Variants in PRKCE observed in about 807,000 individuals in gnomAD.
PRKCE encodes the protein protein kinase C epsilon.
A neutral mutation model predicts 85.4 loss-of-function variants in PRKCE; 16 were observed. That is an observed-to-expected ratio of 0.19 (90% confidence interval 0.13 to 0.28). The LOEUF is 0.28. PRKCE is among the 10% of genes least tolerant of loss of function. The probability of loss-of-function intolerance (pLI) is 1.00; values close to 1 mark genes in which losing one functional copy is unlikely to be tolerated. For missense variants in PRKCE, 573 were observed against 975.2 expected (o/e 0.59, Z 5.49); for synonymous variants, 388 against 371.5 (o/e 1.04, Z -0.51).
chr2:45,680,554 C>G (rs192572668), intron 1 of PRKCE, among the ~76,000 whole-genome samples: 1 of 152,210 alleles, frequency 6.6e-6, no homozygotes, highest in Middle Eastern at 3.4e-3. Context: ...GTGAACCAAA[C>G]GGGGAAAGTA....
chr2:45,728,709 A>C (rs976754027), intron 1 of PRKCE, among the ~76,000 whole-genome samples: 2 of 152,136 alleles, frequency 1.3e-5, no homozygotes, highest in South Asian at 2.1e-4. Flanking sequence ...TCACCAGTTC[A>C]TGGTTTGTTT....
intron 2 of PRKCE, among the ~76,000 whole-genome samples, chr2:45,944,655 ATTTTTTTTTTT>A (rs71394861): frequency 1.1e-4 from 8 of 75,624 alleles, no homozygotes; most frequent in African/African-American, 2.4e-4. Context: ...TACCCGGCTA[ATTTTTTTTTTT>A]TTTTTTTTTT....
intron 13 of PRKCE, among the ~76,000 whole-genome samples, chr2:46,157,066 A>G (rs1677283157): frequency 6.6e-6 from 1 of 152,220 alleles, no homozygotes. Context: ...TGCAACAGGC[A>G]TATCTTCATT....
chr2:45,997,286 C>G (rs918281364), intron 6 of PRKCE, among the ~76,000 whole-genome samples: 2 of 151,924 alleles, frequency 1.3e-5, no homozygotes, highest in Non-Finnish European at 2.9e-5. Flanking sequence ...TGGTTTTTCT[C>G]TACTGATTTT....
chr2:45,667,437 C>T (rs982043821), intron 1 of PRKCE, among the ~76,000 whole-genome samples: 4 of 152,138 alleles, frequency 2.6e-5, no homozygotes, highest in Non-Finnish European at 5.9e-5. Context: ...CGTGAGCCAC[C>T]ATGCCCAGCC....
intron 2 of PRKCE, among the ~76,000 whole-genome samples, chr2:45,953,778 A>G (rs1255519208): frequency 1.3e-5 from 2 of 152,170 alleles, no homozygotes; most frequent in African/African-American, 2.4e-5. Flanking sequence ...GTGGTGGGCC[A>G]CAGGCGCTGG....
At chr2:45,946,549 G>A (rs769870667) in intron 2 of PRKCE, among the ~76,000 whole-genome samples, 65 of 152,294 alleles carry the variant, frequency 4.3e-4, no homozygotes, top group Non-Finnish European at 6.2e-4. Flanking sequence ...CAAGGTCAAC[G>A]ATGGTGAGAA....
chr2:45,759,963 C>T (rs971583884), intron 1 of PRKCE, among the ~76,000 whole-genome samples: 4 of 152,158 alleles, frequency 2.6e-5, no homozygotes, highest in African/African-American at 9.7e-5. Context: ...ATGGGAGCAG[C>T]CCTTGAGTCT....
chr2:45,940,670 G>C (rs190641250), intron 2 of PRKCE, among the ~76,000 whole-genome samples: 9 of 152,144 alleles, frequency 5.9e-5, no homozygotes, highest in Non-Finnish European at 1.2e-4. Context: ...TCACTCTCAC[G>C]TACCGCATGC....
intron 2 of PRKCE, among the ~76,000 whole-genome samples, chr2:45,886,502 G>A (rs959022471): frequency 8.5e-5 from 13 of 152,152 alleles, no homozygotes; most frequent in African/African-American, 2.7e-4. Context: ...GAAGCAACAG[G>A]CTTGCTTAAA....
intron 2 of PRKCE, among the ~76,000 whole-genome samples, chr2:45,901,843 C>T (rs1414061406): frequency 3.3e-5 from 5 of 152,170 alleles, no homozygotes; most frequent in Admixed American, 1.3e-4. Flanking sequence ...AGCTCACACA[C>T]GATGTCTGTA....
intron 6 of PRKCE, among the ~76,000 whole-genome samples, chr2:45,996,242 C>T (rs1704205400): frequency 6.6e-6 from 1 of 152,030 alleles, no homozygotes; most frequent in South Asian, 2.1e-4. Flanking sequence ...TTATTGGTTC[C>T]AGGAGTTTTT....
chr2:45,914,745 G>A (rs1405371528), intron 2 of PRKCE, among the ~76,000 whole-genome samples: 1 of 152,144 alleles, frequency 6.6e-6, no homozygotes, highest in Non-Finnish European at 1.5e-5. Context: ...TTAATCAAGT[G>A]TTGCTTTTAT....
At chr2:45,853,679 A>G (rs139555902) in intron 2 of PRKCE, among the ~76,000 whole-genome samples, 479 of 152,356 alleles carry the variant, frequency 3.1e-3, no homozygotes, top group Non-Finnish European at 4.7e-3. Context: ...CTAAATGAAA[A>G]TAACAGGAAA....
chr2:45,900,640 AT>A (rs1696506089), intron 2 of PRKCE, among the ~76,000 whole-genome samples: 1 of 152,242 alleles, frequency 6.6e-6, no homozygotes, highest in Non-Finnish European at 1.5e-5. Flanking sequence ...CTATTGTTCA[AT>A]GGTAGAGATT....
chr2:45,842,923 G>C, intron 1 of PRKCE, 77 bp from the exon 2 acceptor site: 1 of 1,327,938 alleles, frequency 7.5e-7, no homozygotes, highest in Non-Finnish European at 1.1e-6. Context: ...TTAGCAGTTT[G>C]GGGTAGAAAT....
At chr2:45,969,793 A>C (rs1562653) in intron 2 of PRKCE, among the ~76,000 whole-genome samples, 59,031 of 152,162 alleles carry the variant, frequency 0.39, 11,494 homozygotes, top group Middle Eastern at 0.52. Flanking sequence ...CGCCGTTCTT[A>C]CGTTATCTTC....
At chr2:45,722,968 G>T (rs1302258311) in intron 1 of PRKCE, among the ~76,000 whole-genome samples, 2 of 152,180 alleles carry the variant, frequency 1.3e-5, no homozygotes, top group Non-Finnish European at 2.9e-5. Context: ...GGGTGTGGTG[G>T]AGGGGCACCT....
intron 1 of PRKCE, among the ~76,000 whole-genome samples, chr2:45,660,934 G>T (rs1675607324): frequency 6.6e-6 from 1 of 152,110 alleles, no homozygotes; most frequent in African/African-American, 2.4e-5. Context: ...TGAAACTCCA[G>T]AGGAAATATA....
Sources: allele counts gnomAD v4.1 joint callset (sites outside exome capture counted in the v4.1 genomes callset), GRCh38; gene constraint gnomAD v4.1.1; transcripts MANE v1.5; gene names NCBI Gene and HGNC (gene_info 2026-07-23, HGNC 2026-07-21).